The following SLC35F4 variants were observed in gnomAD, a reference collection of about 807,000 sequenced individuals.
SLC35F4 encodes chromosome 14 open reading frame 36.
In SLC35F4, 24 loss-of-function variants were observed where a neutral mutation model predicts 44.2. That is an observed-to-expected ratio of 0.54 (90% CI 0.39 to 0.76). The LOEUF is 0.76. Among genes scored for constraint, SLC35F4 ranks in the 30% least tolerant of loss-of-function variants. SLC35F4 has a pLI of 0.00. For missense variants in SLC35F4, 562 were observed against 586.1 expected, an observed-to-expected ratio of 0.96 and a Z score of 0.42; for synonymous variants, 238 against 223.6, an observed-to-expected ratio of 1.06 and a Z score of -0.57.
rs897315565 is a variant in SLC35F4 at position 57,945,439 on chromosome 14, A to G, written n.282+36474T>C. ...TCTTTACCAGGTAAGAGCAATGATAATGTGTGTGTGTGTGTGTGTGTGTGT... is the reference window on the plus strand; with the variant it reads ...TCTTTACCAGGTAAGAGCAATGATAGTGTGTGTGTGTGTGTGTGTGTGTGT... On this transcript the variant is annotated intron_variant and non_coding_transcript_variant, in intron 1 of 1. Transcript: ENST00000556568. 1.1e-4 allele frequency among the ~76,000 whole-genome samples: 11 copies of G among 104,748 alleles called. No homozygotes were observed. In the East Asian group the frequency reaches 2.2e-3, roughly 21 times the overall value. The allele number at this position is 104,748 out of a possible 152,430, so 68.7% of individuals were successfully genotyped here. A position where few individuals can be genotyped will look rare whatever the true frequency, so the allele number is the denominator to read the frequency against.
chr14:57,921,329 T>C (rs1271978429), intron 1 of SLC35F4, among the ~76,000 whole-genome samples: 1 of 152,180 alleles, frequency 6.6e-6, no homozygotes, highest in South Asian at 2.1e-4. Flanking sequence ...TGGAAGTCAT[T>C]CTCGTGACAG....
At chr14:57,749,638 G>A (rs2076837004) in intron 1 of SLC35F4, among the ~76,000 whole-genome samples, 1 of 152,216 alleles carries the variant, frequency 6.6e-6, no homozygotes, top group Non-Finnish European at 1.5e-5. Context: ...GTACAGGGCA[G>A]ATACAAGGTG....
intron 1 of SLC35F4, among the ~76,000 whole-genome samples, chr14:57,938,457 C>G (rs990342567): frequency 2.0e-5 from 3 of 152,142 alleles, no homozygotes; most frequent in Non-Finnish European, 2.9e-5. Context: ...ATCAGCACTT[C>G]GTTAACTTTC....
intron 1 of SLC35F4, among the ~76,000 whole-genome samples, chr14:57,777,217 G>T (rs555737281): frequency 2.2e-4 from 34 of 152,314 alleles, no homozygotes; most frequent in Admixed American, 2.6e-4. Flanking sequence ...AAGACAGTGT[G>T]GTGATTCCTC....
intron 1 of SLC35F4, among the ~76,000 whole-genome samples, chr14:57,814,773 C>T (rs547213244): frequency 3.4e-4 from 52 of 152,100 alleles, no homozygotes; most frequent in African/African-American, 1.1e-3. Context: ...CTGGGTATGG[C>T]GATGGAATAG....
chr14:57,926,435 A>G (rs1310711956), intron 1 of SLC35F4, among the ~76,000 whole-genome samples: 1 of 152,168 alleles, frequency 6.6e-6, no homozygotes, highest in Non-Finnish European at 1.5e-5. Flanking sequence ...ACACATTCAC[A>G]CAGACTTTTC....
intron 1 of SLC35F4, among the ~76,000 whole-genome samples, chr14:57,821,127 C>A (rs959089036): frequency 6.6e-6 from 1 of 152,164 alleles, no homozygotes; most frequent in African/African-American, 2.4e-5. Flanking sequence ...TTATAACAAG[C>A]CAAAGGCAAA....
At chr14:57,928,277 C>G (rs374987875) in intron 1 of SLC35F4, among the ~76,000 whole-genome samples, 1 of 152,194 alleles carries the variant, frequency 6.6e-6, no homozygotes. Flanking sequence ...GTAGAGACAA[C>G]GTGGAGAGCC....
At position 57,920,609 on chromosome 14, in the gene SLC35F4, C is replaced by A. The variant is rs139500445; in HGVS notation, n.282+61304G>T. ...ATATATATAAAAATCAGACCAATTA[C>A]TTCACATGGGATTGGAAGCCTTTGG... On this transcript the variant is annotated intron_variant and non_coding_transcript_variant, in intron 1 of 1. Coordinates refer to the SLC35F4 transcript ENST00000556568. Among the ~76,000 whole-genome samples, 476 of 152,302 alleles carry A rather than the reference C, an allele frequency of 3.1e-3. 2 individuals are homozygous for A. Among genetic ancestry groups the A allele is most frequent in the African/African-American group, 0.011 (445 of 41,574 alleles).
chr14:57,593,643 AT>A (rs1440275693), intron 2 of SLC35F4, among the ~76,000 whole-genome samples: 2 of 152,168 alleles, frequency 1.3e-5, no homozygotes, highest in Non-Finnish European at 2.9e-5. Context: ...GGGTTTTGAT[AT>A]TTTGAAGATG....
chr14:57,953,007 T>C (rs1890168840), intron 1 of SLC35F4, among the ~76,000 whole-genome samples: 1 of 151,294 alleles, frequency 6.6e-6, no homozygotes, highest in African/African-American at 2.4e-5. Context: ...AAGGTTGAAA[T>C]GAAGGAAAAA....
chr14:57,589,253 T>A lies in SLC35F4; in HGVS notation c.550A>T (p.Thr184Ser). ...FPVYYSGHLA[T>S]AQEKQSPMKK... Reference sequence around the variant, plus strand: ...ATTGGAGATTGCTTTTCTTGAGCAGTGGCTAGATGACCAGAATAATAGACT... The same window carrying A: ...ATTGGAGATTGCTTTTCTTGAGCAGAGGCTAGATGACCAGAATAATAGACT... Residue 184 changes from threonine to serine, a missense_variant, in exon 3 of 8, where the codon ACT becomes TCT. Thr to Ser is a moderately conservative substitution (Grantham distance 58, BLOSUM62 1). Transcript: ENST00000556826. The A allele has an allele frequency of 6.2e-7, 1 of 1,612,738 alleles. No individual in the cohort carries two copies. The highest frequency in any genetic ancestry group is 8.5e-7 in the Non-Finnish European group (1 of 1,179,350).
intron 1 of SLC35F4, among the ~76,000 whole-genome samples, chr14:57,718,767 A>G (rs528017533): frequency 2.8e-4 from 42 of 152,166 alleles, no homozygotes; most frequent in African/African-American, 9.4e-4. Flanking sequence ...GTCATTTGCA[A>G]ATATTTTCTC....
intron 1 of SLC35F4, among the ~76,000 whole-genome samples, chr14:57,928,977 C>A (rs932020910): frequency 6.6e-6 from 1 of 152,028 alleles, no homozygotes; most frequent in Non-Finnish European, 1.5e-5. Context: ...GAAGATAGAA[C>A]AACAGAAATG....
chr14:57,637,659 T>G (rs1005979016), intron 1 of SLC35F4, among the ~76,000 whole-genome samples: 2 of 152,110 alleles, frequency 1.3e-5, no homozygotes, highest in African/African-American at 4.8e-5. Context: ...ATTACCACCA[T>G]TGGACTGTAC....
downstream of SLC35F4, among the ~76,000 whole-genome samples, chr14:57,975,504 T>G (rs1280627059): frequency 1.3e-5 from 2 of 152,220 alleles, no homozygotes; most frequent in African/African-American, 4.8e-5. Flanking sequence ...GCTGGATTGG[T>G]TCATTGCAGC....
chr14:57,832,712 G>A (rs1056127566), intron 1 of SLC35F4, among the ~76,000 whole-genome samples: 5 of 152,230 alleles, frequency 3.3e-5, no homozygotes, highest in African/African-American at 9.6e-5. Context: ...ATTTTTGCAT[G>A]TTCTGGCTCT....
At chr14:57,787,150 T>C (rs1365201241) in intron 1 of SLC35F4, among the ~76,000 whole-genome samples, 1 of 151,996 alleles carries the variant, frequency 6.6e-6, no homozygotes, top group Non-Finnish European at 1.5e-5. Flanking sequence ...ACTGAACAAG[T>C]GGAAGAAAGA....
At chr14:57,951,546 C>T (rs1413525884) in intron 1 of SLC35F4, among the ~76,000 whole-genome samples, 1 of 152,198 alleles carries the variant, frequency 6.6e-6, no homozygotes, top group African/African-American at 2.4e-5. Context: ...TTGAAATTCT[C>T]GCTACCAGCA....
Sources: gnomAD v4.1 joint callset for allele counts (sites outside exome capture counted in the v4.1 genomes callset) on GRCh38, gnomAD v4.1.1 for gene constraint, MANE v1.5 for transcripts, NCBI Gene and HGNC (gene_info 2026-07-23, HGNC 2026-07-21) for gene names.